Variants in GMDS observed in about 807,000 individuals in gnomAD.
GMDS encodes GDP-mannose 4,6-dehydratase.
A neutral mutation model predicts 49.9 loss-of-function variants in GMDS; 20 were observed. The observed-to-expected ratio is 0.40, with a 90% confidence interval of 0.28 to 0.58. GMDS has a LOEUF of 0.58. GMDS is among the 20% of genes least tolerant of loss of function. GMDS has a pLI of 0.42. For synonymous variants in GMDS, 177 were observed against 178.6 expected, an observed-to-expected ratio of 0.99 and a Z score of 0.07; for missense variants, 362 against 481.4, an observed-to-expected ratio of 0.75 and a Z score of 2.32.
At chr6:1,624,588 G>T in intron 9 of GMDS, 48 bp from the exon 10 acceptor site, 1 of 1,329,060 alleles carries the variant, frequency 7.5e-7, no homozygotes, top group Non-Finnish European at 1.1e-6. Context: ...CGTGGGGGTG[G>T]GGGCAGCAGG....
At chr6:1,936,116 G>A (rs753541951) in intron 6 of GMDS, among the ~76,000 whole-genome samples, 5 of 152,152 alleles carry the variant, frequency 3.3e-5, no homozygotes, top group African/African-American at 4.8e-5. Context: ...TGTTAGTTAT[G>A]CATAATTCTG....
chr6:1,893,276 C>T (rs1759970747), intron 7 of GMDS, among the ~76,000 whole-genome samples: 2 of 151,098 alleles, frequency 1.3e-5, no homozygotes, highest in African/African-American at 2.4e-5. Flanking sequence ...TCACTGAAAC[C>T]TCCACCTCCC....
intron 9 of GMDS, among the ~76,000 whole-genome samples, chr6:1,683,341 T>C (rs1173392590): frequency 6.6e-6 from 1 of 152,164 alleles, no homozygotes; most frequent in African/African-American, 2.4e-5. Context: ...GCCAGGATGG[T>C]CTCCATCTCC....
chr6:1,784,390 CAAAAAAAAA>C (rs780517217), intron 7 of GMDS, among the ~76,000 whole-genome samples: 2 of 40,494 alleles, frequency 4.9e-5, no homozygotes, highest in Non-Finnish European at 9.9e-5. Flanking sequence ...AGACTCGTCT[CAAAAAAAAA>C]AAAAAAAAAA....
At chr6:2,108,495 T>TAAAATTATC (rs1774364932) in intron 4 of GMDS, among the ~76,000 whole-genome samples, 1 of 152,172 alleles carries the variant, frequency 6.6e-6, no homozygotes, top group African/African-American at 2.4e-5. Flanking sequence ...TATGTTAGTA[T>TAAAATTATC]CACTGATGTG....
chr6:1,850,821 C>G (rs567247206), intron 7 of GMDS, among the ~76,000 whole-genome samples: 1 of 152,320 alleles, frequency 6.6e-6, no homozygotes, highest in South Asian at 2.1e-4. Context: ...TCATTGCCCT[C>G]CCTTTTAGAA....
chr6:1,804,252 A>G (rs1288015630), intron 7 of GMDS, among the ~76,000 whole-genome samples: 1 of 152,264 alleles, frequency 6.6e-6, no homozygotes, highest in Non-Finnish European at 1.5e-5. Context: ...CTCTCTGTGC[A>G]GTTTGCCAGT....
chr6:1,778,919 G>A lies in GMDS; in HGVS notation c.772-36333C>T, dbSNP rs1358735941. On this transcript the variant is annotated intron_variant, in intron 7 of 10. Coordinates refer to ENST00000380815, the MANE Select transcript of GMDS (RefSeq NM_001500.4). This position sits in a 1 kb window ranked among gnomAD's most constrained non-coding sequence, Gnocchi z 4.6. ...CCCCAACACCCCTGCTGCCCTCCTGGTTCAGGTTTCTTATTGCCGTGTCTG... is the reference window on the plus strand; with the variant it reads ...CCCCAACACCCCTGCTGCCCTCCTGATTCAGGTTTCTTATTGCCGTGTCTG... Among the ~76,000 whole-genome samples, 1 of 152,014 alleles carries A rather than the reference G, an allele frequency of 6.6e-6. No homozygotes were observed. Among genetic ancestry groups the A allele is most frequent in the African/African-American group, 2.4e-5 (1 of 41,380 alleles).
chr6:1,925,711 G>A lies in GMDS; in HGVS notation c.771+4392C>T, dbSNP rs116567117. On this transcript the variant is annotated intron_variant, in intron 7 of 10. Coordinates refer to ENST00000380815, the MANE Select transcript of GMDS (RefSeq NM_001500.4). ...ATATAAAAGAGAGAGGTTGTGATACGGAAGAGGGGCAGGGAAGTGCCGGGA... is the reference window on the plus strand; with the variant it reads ...ATATAAAAGAGAGAGGTTGTGATACAGAAGAGGGGCAGGGAAGTGCCGGGA... Among the ~76,000 whole-genome samples the A allele has an allele frequency of 5.9e-3, 896 of 152,300 alleles. 6 individuals carry two copies. The highest frequency in any genetic ancestry group is 0.02 in the African/African-American group (836 of 41,556).
intron 7 of GMDS, among the ~76,000 whole-genome samples, chr6:1,801,228 T>C (rs1769937702): frequency 6.6e-6 from 1 of 152,196 alleles, no homozygotes; most frequent in Non-Finnish European, 1.5e-5. Context: ...GGTGGCCTCT[T>C]GAGGAAGGGG....
At chr6:2,119,471 G>A (rs1158849110) in intron 2 of GMDS, among the ~76,000 whole-genome samples, 1 of 152,100 alleles carries the variant, frequency 6.6e-6, no homozygotes, top group African/African-American at 2.4e-5. Context: ...CCTGCCAAAT[G>A]CTTAATCCAT....
At chr6:1,872,771 T>G (rs182880427) in intron 7 of GMDS, among the ~76,000 whole-genome samples, 3 of 152,394 alleles carry the variant, frequency 2.0e-5, no homozygotes, top group African/African-American at 7.2e-5. Context: ...AGGGGAAACC[T>G]TTTAATGACT....
intron 4 of GMDS, among the ~76,000 whole-genome samples, chr6:1,992,429 G>A (rs1766006447): frequency 6.6e-6 from 1 of 152,110 alleles, no homozygotes; most frequent in Admixed American, 6.5e-5. Context: ...CATTTTCCCA[G>A]GCCAATCCTC....
intron 4 of GMDS, among the ~76,000 whole-genome samples, chr6:2,094,717 A>G (rs1317599842): frequency 6.6e-6 from 1 of 152,216 alleles, no homozygotes; most frequent in Non-Finnish European, 1.5e-5. Flanking sequence ...TTTGGGTTCA[A>G]TATAAGGAAG....
intron 4 of GMDS, among the ~76,000 whole-genome samples, chr6:2,016,189 G>T (rs80172020): frequency 0.21 from 31,609 of 150,472 alleles, 3,527 homozygotes; most frequent in Non-Finnish European, 0.24. Flanking sequence ...AGCCTGGGAA[G>T]TTGAGGCTGC....
chr6:2,145,813 G>A (rs1410758084), intron 1 of GMDS, among the ~76,000 whole-genome samples: 1 of 152,128 alleles, frequency 6.6e-6, no homozygotes, highest in Non-Finnish European at 1.5e-5. Flanking sequence ...GGATGCCTTG[G>A]GCCCAGAGTT....
intron 4 of GMDS, among the ~76,000 whole-genome samples, chr6:2,027,906 C>T (rs979685648): frequency 2.0e-5 from 3 of 152,094 alleles, no homozygotes; most frequent in African/African-American, 7.2e-5. Context: ...TATATAAACT[C>T]ATTGCCACTG....
chr6:1,811,900 T>C (rs948091343), intron 7 of GMDS, among the ~76,000 whole-genome samples: 9 of 152,226 alleles, frequency 5.9e-5, no homozygotes, highest in African/African-American at 2.2e-4. Context: ...AAAAGCTCTG[T>C]TTTCATATTA....
At chr6:2,222,992 T>C (rs908318705) in intron 1 of GMDS, among the ~76,000 whole-genome samples, 2 of 152,096 alleles carry the variant, frequency 1.3e-5, no homozygotes, top group Admixed American at 1.3e-4. Flanking sequence ...GGCCTAGATG[T>C]TGGACTGGAG....
Sources: allele counts gnomAD v4.1 joint callset (sites outside exome capture counted in the v4.1 genomes callset), GRCh38; gene constraint gnomAD v4.1.1; non-coding constraint Gnocchi (gnomAD v3.1); transcripts MANE v1.5; gene names NCBI Gene and HGNC (gene_info 2026-07-23, HGNC 2026-07-21).